ATP9B: variants seen among roughly 807,000 people sequenced by gnomAD.
ATP9B encodes probable phospholipid-transporting ATPase IIB.
ATP9B carries 110 observed loss-of-function variants against 146.1 expected under a neutral mutation model. The ratio of observed to expected loss-of-function variants is 0.75; its 90% CI spans 0.65 to 0.88. The LOEUF (loss-of-function observed/expected upper bound fraction) is 0.88, where lower values mean the gene tolerates loss of function less well. Among genes scored for constraint, ATP9B ranks in the 40% least tolerant of loss-of-function variants. The pLI is 0.00. For missense variants in ATP9B, 1,499 were observed against 1,496.4 expected, an observed-to-expected ratio of 1.00 and a Z score of -0.03; for synonymous variants, 604 against 569.7, an observed-to-expected ratio of 1.06 and a Z score of -0.86.
intron 14 of ATP9B, among the ~76,000 whole-genome samples, chr18:79,306,376 T>A (rs769213921): frequency 6.6e-6 from 1 of 152,156 alleles, no homozygotes; most frequent in Non-Finnish European, 1.5e-5. Context: ...GGCACACACA[T>A]AAGCCCTAAA....
chr18:79,302,079 C>T (rs1041737575), intron 13 of ATP9B, among the ~76,000 whole-genome samples: 13 of 152,030 alleles, frequency 8.6e-5, no homozygotes, highest in African/African-American at 2.9e-4. Context: ...ACCATGTGTG[C>T]CAAAGAACAT....
At chr18:79,314,677 A>G (rs1460417233) in intron 15 of ATP9B, among the ~76,000 whole-genome samples, 1 of 152,218 alleles carries the variant, frequency 6.6e-6, no homozygotes, top group Non-Finnish European at 1.5e-5. Flanking sequence ...TCTCTAAGAG[A>G]GTAGAAAGTT....
chr18:79,073,809 A>G (rs2072275458), intron 1 of ATP9B, among the ~76,000 whole-genome samples: 1 of 152,188 alleles, frequency 6.6e-6, no homozygotes, highest in Non-Finnish European at 1.5e-5. Context: ...TTTCAAGATA[A>G]TATTTGATTG....
chr18:79,374,925 G>A (rs550483712), intron 28 of ATP9B, among the ~76,000 whole-genome samples: 39 of 152,360 alleles, frequency 2.6e-4, no homozygotes, highest in African/African-American at 8.9e-4. Context: ...CATCACGGGC[G>A]TGGGCAGGAC....
At chr18:79,075,073 T>C (rs1568363021) in intron 1 of ATP9B, among the ~76,000 whole-genome samples, 1 of 150,080 alleles carries the variant, frequency 6.7e-6, no homozygotes. Flanking sequence ...TTGTTTATTC[T>C]TTTTAGAGTT....
chr18:79,182,335 A>G (rs2095261164), intron 8 of ATP9B, among the ~76,000 whole-genome samples: 1 of 152,122 alleles, frequency 6.6e-6, no homozygotes, highest in Non-Finnish European at 1.5e-5. Context: ...TGCTGTGTGT[A>G]CTCACTTTCA....
rs376228715 is a variant in ATP9B, at chr18:79,126,299, A to G, written c.591A>G (p.Glu197=). Residue 197 remains glutamate, a synonymous_variant, in exon 5 of 30, where the codon GAA becomes GAG. Coordinates refer to ENST00000426216, the MANE Select transcript of ATP9B (RefSeq NM_198531.5). ...TCTTGGCTGTTACTATGACACGGGA[A>G]GCAATTGATGAATTTCGGCGTTTTC... is the stretch of plus-strand genomic sequence containing the variant. ...GFVLAVTMTR[E]AIDEFRRFQR... is the part of the protein sequence containing the mutation. The G allele has an allele frequency of 3.1e-6, 5 of 1,612,438 alleles. No homozygotes were observed. Among genetic ancestry groups the G allele is most frequent in the Non-Finnish European group, 4.2e-6 (5 of 1,178,916 alleles).
intron 13 of ATP9B, among the ~76,000 whole-genome samples, chr18:79,296,511 CAAAT>C (rs1379969455): frequency 6.6e-6 from 1 of 152,110 alleles, no homozygotes; most frequent in Non-Finnish European, 1.5e-5. Context: ...ACAGATTTTT[CAAAT>C]AAATCTCAAG....
chr18:79,144,162 T>C (rs2094548632), intron 6 of ATP9B: 1 of 193,942 alleles, frequency 5.2e-6, no homozygotes, highest in Admixed American at 6.0e-5. Flanking sequence ...CTGTTCATAA[T>C]ACTGTGCTTC....
intron 10 of ATP9B, among the ~76,000 whole-genome samples, chr18:79,212,792 C>T (rs973027145): frequency 6.6e-6 from 1 of 152,114 alleles, no homozygotes; most frequent in East Asian, 1.9e-4. Context: ...ATTTGTGCAT[C>T]GGGGAGCTTA....
chr18:79,372,475 A>G (rs1318106406), intron 26 of ATP9B: 1 of 436,308 alleles, frequency 2.3e-6, no homozygotes. Flanking sequence ...GACAAGAAAT[A>G]AGGGAAAATG....
At chr18:79,250,614 A>G (rs927283885) in intron 11 of ATP9B, among the ~76,000 whole-genome samples, 2 of 152,202 alleles carry the variant, frequency 1.3e-5, no homozygotes, top group African/African-American at 4.8e-5. Context: ...CAATAATTCA[A>G]GCATAAACTA....
chr18:79,285,487 A>G (rs1348225929), intron 13 of ATP9B, among the ~76,000 whole-genome samples: 5 of 151,846 alleles, frequency 3.3e-5, no homozygotes, highest in South Asian at 4.2e-4. Flanking sequence ...TTGTAAATTT[A>G]TTTGAGTTCA....
Position 79,113,443 on chromosome 18 carries a change from A to G in ATP9B, c.558+89A>G, listed in dbSNP as rs1029154933. The stretch of plus-strand genomic sequence containing the variant: ...GAGATGGTTAAAAGTTAAATTGACC[A>G]GATTTTTAAAACATGGTGTTGTAGT... On this transcript the variant is annotated intron_variant, in intron 4 of 29. Transcript: ENST00000426216. The G allele has an allele frequency of 3.3e-5, 28 of 844,514 alleles. No individual in the cohort carries two copies. In the African/African-American group the frequency reaches 3.8e-4, roughly 12 times the overall value. 52.3% of individuals were successfully genotyped at this position (844,514 alleles called of 1,614,324 possible). A position where few individuals can be genotyped will look rare whatever the true frequency, so the allele number is the denominator to read the frequency against.
At chr18:79,255,878 A>G (rs976639352) in intron 12 of ATP9B, among the ~76,000 whole-genome samples, 8 of 152,128 alleles carry the variant, frequency 5.3e-5, no homozygotes, top group South Asian at 2.1e-4. Flanking sequence ...CACTTCTGAG[A>G]TACTGCTTTT....
chr18:79,210,154 T>C (rs2095570983), intron 10 of ATP9B, among the ~76,000 whole-genome samples: 1 of 152,192 alleles, frequency 6.6e-6, no homozygotes, highest in South Asian at 2.1e-4. Flanking sequence ...GAGGTTTCAC[T>C]TCCCATGTGG....
intron 26 of ATP9B, among the ~76,000 whole-genome samples, chr18:79,372,142 A>T (rs2097075041): frequency 6.6e-6 from 1 of 152,002 alleles, no homozygotes; most frequent in Non-Finnish European, 1.5e-5. Flanking sequence ...ATCTTCAGGG[A>T]TGCAGTGGGA....
At chr18:79,335,749 C>T (rs1256703468) in intron 17 of ATP9B, among the ~76,000 whole-genome samples, 1 of 152,304 alleles carries the variant, frequency 6.6e-6, no homozygotes, top group African/African-American at 2.4e-5. Flanking sequence ...CAGTTACATG[C>T]ACGTTAAAAA....
chr18:79,201,237 G>C (rs1350549423), intron 9 of ATP9B, among the ~76,000 whole-genome samples: 1 of 151,848 alleles, frequency 6.6e-6, no homozygotes, highest in Non-Finnish European at 1.5e-5. Flanking sequence ...GAATTATTTT[G>C]ATGATAGTTC....
Sources: gnomAD v4.1 joint callset for allele counts (sites outside exome capture counted in the v4.1 genomes callset) on GRCh38, gnomAD v4.1.1 for gene constraint, MANE v1.5 for transcripts, NCBI Gene and HGNC (gene_info 2026-07-23, HGNC 2026-07-21) for gene names.